The following UBE3C variants were observed in gnomAD, a reference collection of about 807,000 sequenced individuals.
The protein encoded by UBE3C is ubiquitin protein ligase E3C, also known as ubiquitin-protein ligase E3C.
UBE3C carries 42 observed loss-of-function variants against 129.4 expected under a neutral mutation model. That is an observed-to-expected ratio of 0.32 (90% CI 0.25 to 0.42). UBE3C has a LOEUF of 0.42. UBE3C is among the 10% of genes least tolerant of loss of function. The pLI, the probability that UBE3C is intolerant of heterozygous loss-of-function variation, is 1.00. For synonymous variants in UBE3C, 510 were observed against 492.4 expected (o/e 1.04, Z -0.47); for missense variants, 1,049 against 1,319.1 (o/e 0.80, Z 3.17).
In UBE3C at chr7:157,146,247, C is replaced by CT. The variant is rs893631963; in HGVS notation, c.66+6921dup. Among the ~76,000 whole-genome samples the CT allele has an allele frequency of 3.3e-3, 482 of 146,252 alleles. 2 individuals are homozygous for CT. Among genetic ancestry groups the CT allele is most frequent in the African/African-American group, 8.7e-3 (347 of 39,958 alleles). Reference sequence around the variant, plus strand: ...TGGCTATATTTTTATGGATCTATTTCTTTTTTTTTTTTGAGACGAAGTCTC... The same window carrying CT: ...TGGCTATATTTTTATGGATCTATTTCTTTTTTTTTTTTTGAGACGAAGTCTC... On this transcript the variant is annotated intron_variant, in intron 1 of 22. Transcript: ENST00000348165.
intron 17 of UBE3C, 110 bp from the exon 18 acceptor site, chr7:157,230,970 A>C: frequency 7.0e-7 from 1 of 1,429,608 alleles, no homozygotes; most frequent in Non-Finnish European, 9.5e-7. Context: ...CTATGTTAAA[A>C]TGTCCCTAAG....
Position 157,231,254 on chromosome 7 carries a change from A to G in UBE3C, c.2408A>G (p.Asn803Ser), listed in dbSNP as rs776289737. The stretch of plus-strand genomic sequence containing the variant: ...ACTAATGAAGGGCTTCTGTACCCCA[A>G]CCCGGCTGCTCAGATGCTTGTGGGA... ...KTTNEGLLYP[N>S]PAAQMLVGDS... Residue 803 changes from asparagine to serine, a missense_variant, in exon 18 of 23, where the codon AAC (asparagine) becomes AGC (serine). Physicochemically the swap from Asn to Ser is conservative, Grantham distance 46. This residue lies in a region of UBE3C where 243 missense variants were observed against 368.7 expected (regional missense o/e 0.66). Transcript: ENST00000348165. 1.9e-6 allele frequency: 3 copies of G among 1,614,022 alleles called. No individual in the cohort carries two copies. The highest frequency in any genetic ancestry group is 2.2e-5 in the South Asian group (2 of 91,074).
At position 157,241,001 on chromosome 7, in the gene UBE3C, G is replaced by T. The variant is rs76320903; in HGVS notation, c.2482-7367G>T. Among the ~76,000 whole-genome samples the T allele has an allele frequency of 3.9e-5, 6 of 152,180 alleles. No homozygotes were observed. The East Asian group carries it at 7.7e-4, about 20-fold the overall frequency. On this transcript the variant is annotated intron_variant, in intron 18 of 22. Transcript: ENST00000348165. ...TGAACCCGGGAGAGGTAATGGATGCGCAAGCCCAGTGCATGAGATTGAAAG... is the reference window on the plus strand; with the variant it reads ...TGAACCCGGGAGAGGTAATGGATGCTCAAGCCCAGTGCATGAGATTGAAAG...
At chr7:157,142,460 C>T (rs372228276) in intron 1 of UBE3C, among the ~76,000 whole-genome samples, 2 of 152,116 alleles carry the variant, frequency 1.3e-5, no homozygotes, top group African/African-American at 4.8e-5. Context: ...TTGCTACATT[C>T]TAAATTTCCC....
At chr7:157,190,577 G>T (rs773338745) in intron 10 of UBE3C, among the ~76,000 whole-genome samples, 2 of 152,108 alleles carry the variant, frequency 1.3e-5, no homozygotes, top group Non-Finnish European at 2.9e-5. Context: ...GCTGGTGGGC[G>T]GTGCTGCCCA....
rs9918649 is a variant in UBE3C, at chr7:157,267,559, C to T, written c.3082-26C>T. The T allele has an allele frequency of 1.3e-4, 207 of 1,611,378 alleles. No homozygotes were observed. In the African/African-American group the frequency reaches 2.5e-3, roughly 20 times the overall value. On this transcript the variant is annotated intron_variant, in intron 22 of 22. Coordinates refer to ENST00000348165, the MANE Select transcript of UBE3C (RefSeq NM_014671.3). ...TGTAATGCCATGCTTGTTACAGTGA[C>T]ATCTTGCACACATGCTGTTTTTCAG... is the stretch of plus-strand genomic sequence containing the variant.
intron 11 of UBE3C, among the ~76,000 whole-genome samples, chr7:157,203,499 T>C (rs1809347574): frequency 6.6e-6 from 1 of 152,178 alleles, no homozygotes; most frequent in African/African-American, 2.4e-5. Context: ...TTGAGAATCA[T>C]TAGGACAGGA....
intron 10 of UBE3C, among the ~76,000 whole-genome samples, chr7:157,200,877 A>G (rs1809260321): frequency 6.6e-6 from 1 of 152,156 alleles, no homozygotes; most frequent in Admixed American, 6.5e-5. Flanking sequence ...TGGCCTCCCA[A>G]AGTGCTGGGA....
intron 1 of UBE3C, among the ~76,000 whole-genome samples, chr7:157,144,466 A>C (rs1807546715): frequency 6.6e-6 from 1 of 152,180 alleles, no homozygotes; most frequent in African/African-American, 2.4e-5. Flanking sequence ...AATGTGGGGA[A>C]GACAGGAGTG....
rs1808105916 is a variant in UBE3C, at chr7:157,162,716, GT to G, written c.67-1089del. On this transcript the variant is annotated intron_variant, in intron 1 of 22. Transcript: ENST00000348165. The stretch of plus-strand genomic sequence containing the variant: ...TGCTGCACCCAACTATTTTTAAAAA[GT>G]TTTTGTAGAGGCAGGGTCTCAAACT... 7.3e-5 allele frequency among the ~76,000 whole-genome samples: 11 copies of G among 151,476 alleles called. No homozygotes were observed. The South Asian group carries it at 1.9e-3, about 26-fold the overall frequency.
At chr7:157,180,890 T>C (rs1425417373) in intron 6 of UBE3C, among the ~76,000 whole-genome samples, 1 of 152,200 alleles carries the variant, frequency 6.6e-6, no homozygotes, top group Non-Finnish European at 1.5e-5. Flanking sequence ...AAAAGGCTGA[T>C]TGTAGGGCGG....
In UBE3C at chr7:157,139,240, C is replaced by A. The variant is rs778441502; in HGVS notation, c.-33C>A. On this transcript the variant is annotated 5_prime_UTR_variant, in exon 1 of 23. Coordinates refer to ENST00000348165, the MANE Select transcript of UBE3C (RefSeq NM_014671.3). ...CCCGCCCGCCCGGCTGCTTCCGCGG[C>A]GGCGCTGCCCGCACATGGGCTAGGC... 3 of 1,453,268 alleles carry A rather than the reference C, an allele frequency of 2.1e-6. No individual in the cohort carries two copies. Among genetic ancestry groups the A allele is most frequent in the Non-Finnish European group, 2.7e-6 (3 of 1,099,720 alleles). 90.0% of individuals were successfully genotyped at this position (1,453,268 alleles called of 1,614,324 possible). A position where few individuals can be genotyped will look rare whatever the true frequency, so the allele number is the denominator to read the frequency against.
intron 22 of UBE3C, among the ~76,000 whole-genome samples, chr7:157,258,533 C>CA (rs1195050299): frequency 6.6e-5 from 10 of 152,208 alleles, no homozygotes; most frequent in African/African-American, 2.2e-4. Context: ...GATTTCCGCT[C>CA]ACTGCAACCT....
chr7:157,199,754 A>G (rs1008554598), intron 10 of UBE3C, among the ~76,000 whole-genome samples: 6 of 152,160 alleles, frequency 3.9e-5, no homozygotes, highest in African/African-American at 1.4e-4. Flanking sequence ...TACAGGCGTG[A>G]TCCACCAGGT....
chr7:157,164,343 G>A lies in UBE3C; in HGVS notation c.120+480G>A, dbSNP rs142288557. The A allele has an allele frequency of 2.0e-3, 922 of 456,362 alleles. 5 individuals carry two copies. The highest frequency in any genetic ancestry group is 2.4e-3 in the Non-Finnish European group (538 of 226,926). The allele number at this position is 456,362 out of a possible 1,614,324, so 28.3% of individuals were successfully genotyped here. A position where few individuals can be genotyped will look rare whatever the true frequency, so the allele number is the denominator to read the frequency against. On this transcript the variant is annotated intron_variant, in intron 2 of 22. Transcript: ENST00000348165. The stretch of plus-strand genomic sequence containing the variant: ...AGCTAATTTTTAAGATTTTTACATA[G>A]ATAGGGTCTTGCTTTGCTGCCGAGG...
intron 15 of UBE3C, 70 bp downstream of exon 15, chr7:157,220,846 C>T (rs1170932594): frequency 1.3e-6 from 2 of 1,518,198 alleles, no homozygotes; most frequent in African/African-American, 2.7e-5. Flanking sequence ...CTTTAATCTA[C>T]AGATCTGTTA....
At chr7:157,141,681 G>T (rs186228289) in intron 1 of UBE3C, among the ~76,000 whole-genome samples, 48 of 152,340 alleles carry the variant, frequency 3.2e-4, no homozygotes, top group African/African-American at 9.9e-4. Flanking sequence ...TGCCATGTAT[G>T]TCTGTAGCCC....
intron 6 of UBE3C, among the ~76,000 whole-genome samples, chr7:157,180,322 T>A (rs879800010): frequency 6.6e-5 from 10 of 152,244 alleles, no homozygotes; most frequent in African/African-American, 1.9e-4. Flanking sequence ...GTCACTTTTT[T>A]AAAAAAGTCT....
In UBE3C at chr7:157,248,464, G is replaced by A; in HGVS notation, c.2578G>A (p.Ala860Thr). The A allele has an allele frequency of 2.5e-6, 4 of 1,613,530 alleles. No individual in the cohort carries two copies. The highest frequency in any genetic ancestry group is 3.4e-6 in the Non-Finnish European group (4 of 1,180,016). Residue 860 changes from alanine to threonine, a missense_variant, in exon 19 of 23, where the codon GCC becomes ACC. Ala to Thr is a moderately conservative substitution (Grantham distance 58). This residue lies in a region of UBE3C where 243 missense variants were observed against 368.7 expected (regional missense o/e 0.66). Coordinates refer to ENST00000348165, the MANE Select transcript of UBE3C (RefSeq NM_014671.3). ...TGCCGACGTGGACATTCACCACCTC[G>A]CCTCCCTAGACCCTGAGGTGTATAA... Reference protein sequence around the residue: ...TSADVDIHHLASLDPEVYKNL... With the variant: ...TSADVDIHHLTSLDPEVYKNL...
Sources: allele counts gnomAD v4.1 joint callset (sites outside exome capture counted in the v4.1 genomes callset), GRCh38; gene constraint gnomAD v4.1.1; regional missense constraint gnomAD v4.1.1; transcripts MANE v1.5; gene names NCBI Gene and HGNC (gene_info 2026-07-23, HGNC 2026-07-21).